Variants in INSL6 observed in about 807,000 individuals in gnomAD.
INSL6 encodes insulin like 6.
A neutral mutation model predicts 9.4 loss-of-function variants in INSL6; 16 were observed. The ratio of observed to expected loss-of-function variants is 1.70; its 90% CI spans 1.15 to 2.59. The LOEUF (loss-of-function observed/expected upper bound fraction) is 2.59, where lower values mean the gene tolerates loss of function less well. Ranked by LOEUF, INSL6 falls within the 30% of genes most tolerant of loss-of-function variation. The pLI is 0.00. For synonymous variants in INSL6, 154 were observed against 96.9 expected (o/e 1.59, Z -3.46); for missense variants, 391 against 257.3 (o/e 1.52, Z -3.56).
chr9:5,146,702 G>C (rs963394417), intron 2 of INSL6, among the ~76,000 whole-genome samples: 3 of 152,254 alleles, frequency 2.0e-5, no homozygotes, highest in Non-Finnish European at 2.9e-5. Flanking sequence ...CTGTGTGCTG[G>C]TGGGGCAAGT....
the INSL6 span, among the ~76,000 whole-genome samples, chr9:5,044,765 G>A: frequency 1.3e-5 from 2 of 152,082 alleles, no homozygotes; most frequent in Non-Finnish European, 1.5e-5. Flanking sequence ...TCTTTTTTAG[G>A]ACTTTAGATC....
At chr9:5,177,100 G>A (rs948542096) in intron 1 of INSL6, among the ~76,000 whole-genome samples, 1 of 152,074 alleles carries the variant, frequency 6.6e-6, no homozygotes, top group East Asian at 1.9e-4. Context: ...GCACAAGATG[G>A]CCAATTAGAT....
At position 5,164,184 on chromosome 9, in the gene INSL6, G is replaced by T; in HGVS notation, c.371C>A (p.Pro124His). ...PEYKDKKGYS[P>H]LGKTREFSSS... ...AGAAAATTCTCTTGTCTTACCAAGGGGTGAATATCCCTTTTTATCCTTATA... is the reference window on the plus strand; with the variant it reads ...AGAAAATTCTCTTGTCTTACCAAGGTGTGAATATCCCTTTTTATCCTTATA... Residue 124 changes from proline to histidine, a missense_variant, in exon 2 of 2, where the codon CCC becomes CAC. Transcript: ENST00000381641. 6.2e-7 allele frequency: 1 copy of T among 1,607,074 alleles called. No individual in the cohort carries two copies. The highest frequency in any genetic ancestry group is 8.5e-7 in the Non-Finnish European group (1 of 1,177,270).
At chr9:5,073,843 T>C in the INSL6 span, 1 of 1,158,420 alleles carries the variant, frequency 8.6e-7, no homozygotes, top group Non-Finnish European at 1.3e-6. Flanking sequence ...TTTGTTTATA[T>C]AGAAAATTCA....
chr9:5,112,266 C>T, the INSL6 span: 3 of 255,362 alleles, frequency 1.2e-5, no homozygotes, highest in East Asian at 1.2e-4. Flanking sequence ...GACGGCCCTG[C>T]GGGCAGCGCC....
the INSL6 span, among the ~76,000 whole-genome samples, chr9:4,995,853 T>C: frequency 1.3e-5 from 2 of 152,248 alleles, no homozygotes; most frequent in Non-Finnish European, 2.9e-5. Flanking sequence ...TTACCTTTTT[T>C]TTAAACTTTA....
the INSL6 span, chr9:5,041,934 T>C: frequency 5.4e-5 from 21 of 388,202 alleles, no homozygotes; most frequent in East Asian, 1.1e-3. Context: ...AATGCTGCTG[T>C]TTCTTCCCCC....
chr9:5,058,993 G>A, the INSL6 span, among the ~76,000 whole-genome samples: 1 of 151,982 alleles, frequency 6.6e-6, no homozygotes, highest in Non-Finnish European at 1.5e-5. Context: ...TTTTCACTAT[G>A]TTGCTTGTGT....
chr9:5,022,445 A>G, the INSL6 span, among the ~76,000 whole-genome samples: 2 of 152,198 alleles, frequency 1.3e-5, no homozygotes, highest in African/African-American at 2.4e-5. Context: ...TTTGCTGACT[A>G]TTCTTTATAA....
At chr9:5,020,785 C>G in the INSL6 span, among the ~76,000 whole-genome samples, 5 of 152,020 alleles carry the variant, frequency 3.3e-5, no homozygotes, top group African/African-American at 1.2e-4. Context: ...GTCCCAGAGG[C>G]GGCAGCCAGC....
At chr9:5,113,943 C>T in the INSL6 span, 1 of 252,918 alleles carries the variant, frequency 4.0e-6, no homozygotes, top group Non-Finnish European at 8.0e-6. Flanking sequence ...AGTTCCTGTG[C>T]CTCATCTCTG....
chr9:5,021,719 A>G, the INSL6 span, among the ~76,000 whole-genome samples: 2 of 152,156 alleles, frequency 1.3e-5, no homozygotes, highest in African/African-American at 4.8e-5. Context: ...TCATCCTCCC[A>G]GGTTCAAGCA....
chr9:5,010,828 A>G, the INSL6 span, among the ~76,000 whole-genome samples: 5 of 152,072 alleles, frequency 3.3e-5, no homozygotes, highest in Non-Finnish European at 5.9e-5. Flanking sequence ...CTGAAAACAT[A>G]TTTGTTTTGC....
chr9:5,122,201 C>T (rs1823672025), downstream of INSL6, among the ~76,000 whole-genome samples: 1 of 152,060 alleles, frequency 6.6e-6, no homozygotes, highest in Non-Finnish European at 1.5e-5. Flanking sequence ...GTCTAAAACA[C>T]ATCTCTGTAG....
At chr9:5,062,294 C>T in the INSL6 span, among the ~76,000 whole-genome samples, 1 of 151,872 alleles carries the variant, frequency 6.6e-6, no homozygotes, top group Admixed American at 6.6e-5. Flanking sequence ...AACTAATCCC[C>T]CTTGTATTCT....
In INSL6 at chr9:5,129,128, T is replaced by C. The variant is rs73399391; in HGVS notation, c.*10+4297A>G. On this transcript the variant is annotated intron_variant, in intron 3 of 3. Transcript: ENST00000649639. ...ACTATAACTTCTGGTATTTAAATTT[T>C]ATTTAAACAGCTACAAAAGAGTTAG... 7.1e-3 allele frequency among the ~76,000 whole-genome samples: 1,078 copies of C among 152,188 alleles called. 10 individuals are homozygous for C. The highest frequency in any genetic ancestry group is 0.025 in the African/African-American group (1,033 of 41,556).
At chr9:5,047,191 T>C in the INSL6 span, among the ~76,000 whole-genome samples, 1 of 152,214 alleles carries the variant, frequency 6.6e-6, no homozygotes, top group Non-Finnish European at 1.5e-5. Context: ...TGTACTGTTA[T>C]CATTTTATAT....
the INSL6 span, among the ~76,000 whole-genome samples, chr9:5,076,693 C>T: frequency 6.6e-6 from 1 of 152,202 alleles, no homozygotes; most frequent in African/African-American, 2.4e-5. Context: ...TTTAGTGCCT[C>T]ACAAAGTTTA....
the INSL6 span, chr9:5,041,580 C>A: frequency 2.0e-6 from 1 of 504,824 alleles, no homozygotes; most frequent in Admixed American, 2.4e-5. Flanking sequence ...GCACTACGTG[C>A]GGCGCCTGGA....
Sources: gnomAD v4.1 joint callset for allele counts (sites outside exome capture counted in the v4.1 genomes callset) on GRCh38, gnomAD v4.1.1 for gene constraint, MANE v1.5 for transcripts, NCBI Gene and HGNC (gene_info 2026-07-23, HGNC 2026-07-21) for gene names.